CHST11: variants seen among roughly 807,000 people sequenced by gnomAD.
The protein encoded by CHST11 is carbohydrate sulfotransferase 11, also known as C4S-1.
Under a neutral mutation model 30.4 loss-of-function variants are expected in CHST11, and 9 were observed. That is an observed-to-expected ratio of 0.30 (90% confidence interval 0.18 to 0.52). The LOEUF is 0.52. Among genes scored for constraint, CHST11 ranks in the 20% least tolerant of loss-of-function variants. The pLI, the probability that CHST11 is intolerant of heterozygous loss-of-function variation, is 0.97. For missense variants in CHST11, 348 were observed against 460.6 expected, an observed-to-expected ratio of 0.76 and a Z score of 2.24; for synonymous variants, 152 against 187.8, an observed-to-expected ratio of 0.81 and a Z score of 1.56.
intron 1 of CHST11, among the ~76,000 whole-genome samples, chr12:104,481,087 T>A (rs1387181867): frequency 1.3e-5 from 2 of 152,192 alleles, no homozygotes; most frequent in African/African-American, 4.8e-5. Context: ...AGCTATGAAA[T>A]GGGAAGAGAG....
chr12:104,481,796 C>T (rs568088768), intron 1 of CHST11, among the ~76,000 whole-genome samples: 54 of 149,016 alleles, frequency 3.6e-4, no homozygotes, highest in African/African-American at 1.3e-3. Flanking sequence ...TCCTTCCTTC[C>T]TTCCTTCCTC....
chr12:104,675,689 A>T (rs1304851205), intron 2 of CHST11, among the ~76,000 whole-genome samples: 6 of 152,186 alleles, frequency 3.9e-5, no homozygotes, highest in African/African-American at 1.4e-4. Flanking sequence ...TAAGCAAATT[A>T]CTTCCCTGTG....
Sources: allele counts gnomAD v4.1 joint callset (sites outside exome capture counted in the v4.1 genomes callset), GRCh38; gene constraint gnomAD v4.1.1; transcripts MANE v1.5; gene names NCBI Gene and HGNC (gene_info 2026-07-23, HGNC 2026-07-21).